AZIN2: variants seen among roughly 807,000 people sequenced by gnomAD.
AZIN2 encodes the protein antizyme inhibitor 2.
Under a neutral mutation model 47.8 loss-of-function variants are expected in AZIN2, and 28 were observed. The ratio of observed to expected loss-of-function variants is 0.59; its 90% confidence interval spans 0.43 to 0.80. The LOEUF is 0.80. Ranked by LOEUF, AZIN2 falls within the 30% of genes least tolerant of loss-of-function variation. The pLI is 0.00. For missense variants in AZIN2, 535 were observed against 582.5 expected, an observed-to-expected ratio of 0.92 and a Z score of 0.84; for synonymous variants, 221 against 239.4, an observed-to-expected ratio of 0.92 and a Z score of 0.71.
At chr1:33,143,296 T>C in the AZIN2 span, 1 of 152,244 alleles carries the variant, frequency 6.6e-6, no homozygotes, top group African/African-American at 2.4e-5. Context: ...GTGGCCAGCA[T>C]TTCTTGGAGC....
At chr1:33,085,231 C>CAA (rs113297919) in intron 5 of AZIN2, among the ~76,000 whole-genome samples, 13 of 78,292 alleles carry the variant, frequency 1.7e-4, no homozygotes, top group Admixed American at 9.4e-4. Flanking sequence ...AGCTTGTTTA[C>CAA]AAAAAAAAAA....
Position 33,096,801 on chromosome 1 carries a change from C to T in AZIN2, c.848C>T (p.Ser283Leu), listed in dbSNP as rs756639325. The T allele has an allele frequency of 7.4e-6, 12 of 1,614,194 alleles. No individual in the cohort carries two copies. The highest frequency in any genetic ancestry group is 1.0e-5 in the Non-Finnish European group (12 of 1,180,050). Residue 283 changes from serine (S) to leucine (L), a missense_variant, in exon 9 of 12, where the codon TCG (serine) becomes TTG (leucine). Physicochemically the swap from Ser to Leu is moderately radical, Grantham distance 145. This residue lies in a region of AZIN2 where 409 missense variants were observed against 429.0 expected (regional missense o/e 0.95). Transcript: ENST00000294517. ...FAELGRYYVT[S>L]AFTVAVSIIA... ...GAGCTGGGGCGCTACTACGTGACCT[C>T]GGCCTTCACTGTGGCAGTCAGCATC...
the AZIN2 span, among the ~76,000 whole-genome samples, chr1:33,160,467 C>T: frequency 2.6e-5 from 4 of 152,146 alleles, no homozygotes; most frequent in East Asian, 3.9e-4. Context: ...TGTGATGGCA[C>T]GATCTCGGAT....
chr1:33,134,524 G>A, the AZIN2 span, among the ~76,000 whole-genome samples: 1 of 152,228 alleles, frequency 6.6e-6, no homozygotes, highest in African/African-American at 2.4e-5. Flanking sequence ...ATGGAAAGGA[G>A]GGGGTCAGAA....
At chr1:33,136,031 G>A in the AZIN2 span, among the ~76,000 whole-genome samples, 1 of 149,950 alleles carries the variant, frequency 6.7e-6, no homozygotes, top group Admixed American at 6.7e-5. Context: ...ACCCAAGCTT[G>A]TCTGAGCAAA....
the AZIN2 span, among the ~76,000 whole-genome samples, chr1:33,130,046 A>T: frequency 6.6e-6 from 1 of 152,020 alleles, no homozygotes; most frequent in Non-Finnish European, 1.5e-5. Context: ...TTTAGTAGAG[A>T]TGGGGTTTCA....
intron 10 of AZIN2, among the ~76,000 whole-genome samples, chr1:33,102,397 C>T (rs983202539): frequency 1.3e-5 from 2 of 152,130 alleles, no homozygotes; most frequent in Non-Finnish European, 2.9e-5. Context: ...TCACTCAGCT[C>T]CCTTAGCCCT....
rs750186034 is a variant in AZIN2, at chr1:33,120,193, T to A, written c.*11T>A. On this transcript the variant is annotated 3_prime_UTR_variant, in exon 12 of 12. Coordinates refer to ENST00000294517, the MANE Select transcript of AZIN2 (RefSeq NM_052998.4). Reference sequence around the variant, plus strand: ...GCGAGCATCATGTGAGTGGGCCTCGTTCCCCCCGGAGAATCCCAGCGGGGC... The same window carrying A: ...GCGAGCATCATGTGAGTGGGCCTCGATCCCCCCGGAGAATCCCAGCGGGGC... The A allele has an allele frequency of 6.3e-7, 1 of 1,596,212 alleles. No homozygotes were observed. Among genetic ancestry groups the A allele is most frequent in the Non-Finnish European group, 8.6e-7 (1 of 1,166,766 alleles).
At chr1:33,097,888 C>T (rs1368256523) in intron 9 of AZIN2, 179 bp from the exon 10 acceptor site, 3 of 605,496 alleles carry the variant, frequency 5.0e-6, no homozygotes, top group Non-Finnish European at 9.0e-6. Flanking sequence ...GTTCCTAACA[C>T]GGCAGTGAAC....
rs6688480 is a variant in AZIN2, at chr1:33,098,873, C to T, written c.1029+694C>T. Among the ~76,000 whole-genome samples, 105 of 152,198 alleles carry T rather than the reference C, an allele frequency of 6.9e-4. 1 individual carries two copies. The highest frequency in any genetic ancestry group is 2.4e-3 in the African/African-American group (99 of 41,524). ...CCACCTCCTGAGTTCAAGTGATTCT[C>T]CTGCCTCAGCCTCCCGAGTAGGTGG... On this transcript the variant is annotated intron_variant, in intron 10 of 11. Transcript: ENST00000294517.
the AZIN2 span, among the ~76,000 whole-genome samples, chr1:33,159,015 AT>A: frequency 4.7e-5 from 7 of 149,872 alleles, no homozygotes; most frequent in Non-Finnish European, 7.4e-5. This position sits in a 1 kb window ranked among gnomAD's most constrained non-coding sequence, Gnocchi z 4.2. Context: ...TAATTTTTGT[AT>A]TTTTTTTTAG....
chr1:33,089,671 G>T (rs1642317246), intron 5 of AZIN2, among the ~76,000 whole-genome samples: 1 of 152,150 alleles, frequency 6.6e-6, no homozygotes. Context: ...TCTGCTACTG[G>T]TTGGCTGTGT....
At chr1:33,114,405 G>C (rs1644431571) in intron 10 of AZIN2, among the ~76,000 whole-genome samples, 1 of 146,774 alleles carries the variant, frequency 6.8e-6, no homozygotes. Flanking sequence ...CCAGGCTGGA[G>C]TGCAGTGGCG....
chr1:33,119,967 A>G (rs1338055619), intron 11 of AZIN2, 77 bp from the exon 12 acceptor site: 5 of 1,592,814 alleles, frequency 3.1e-6, no homozygotes, highest in Non-Finnish European at 4.3e-6. Context: ...CCCTCTGCCC[A>G]ATGGGGCTGC....
the AZIN2 span, among the ~76,000 whole-genome samples, chr1:33,150,015 C>G: frequency 4.2e-4 from 64 of 152,310 alleles, no homozygotes; most frequent in Non-Finnish European, 6.3e-4. Context: ...CTGGCCACAC[C>G]GGCTTAGCAG....
At chr1:33,144,131 ACTT>A in the AZIN2 span, among the ~76,000 whole-genome samples, 1 of 53,380 alleles carries the variant, frequency 1.9e-5, no homozygotes, top group African/African-American at 5.9e-5. Context: ...CTTTAATGTT[ACTT>A]CTTTTTTTTT....
At chr1:33,147,969 A>G in the AZIN2 span, among the ~76,000 whole-genome samples, 1 of 152,178 alleles carries the variant, frequency 6.6e-6, no homozygotes, top group Non-Finnish European at 1.5e-5. This position sits in a 1 kb window ranked among gnomAD's most constrained non-coding sequence, Gnocchi z 8.1. Context: ...CTGCTTGTTC[A>G]CTGCCTGATG....
At chr1:33,131,479 T>C in the AZIN2 span, among the ~76,000 whole-genome samples, 1 of 152,210 alleles carries the variant, frequency 6.6e-6, no homozygotes, top group Admixed American at 6.5e-5. Flanking sequence ...CCAGTCCAAA[T>C]TGAATGTGTT....
chr1:33,083,645 A>C (rs1021845339), intron 4 of AZIN2: 1 of 421,812 alleles, frequency 2.4e-6, no homozygotes, highest in African/African-American at 2.0e-5. Flanking sequence ...TTTGCCAGAC[A>C]CAGGAGTGGG....
Sources: gnomAD v4.1 joint callset for allele counts (sites outside exome capture counted in the v4.1 genomes callset) on GRCh38, gnomAD v4.1.1 for gene constraint, gnomAD v4.1.1 regional missense constraint, Gnocchi (gnomAD v3.1) non-coding constraint, MANE v1.5 for transcripts, NCBI Gene and HGNC (gene_info 2026-07-23, HGNC 2026-07-21) for gene names.